Variants in CATSPERT observed in about 807,000 individuals in gnomAD.
The protein encoded by CATSPERT is cation channel sperm-associated targeting subunit tau.
At chr2:201,562,533 T>G in the CATSPERT span, among the ~76,000 whole-genome samples, 1 of 146,772 alleles carries the variant, frequency 6.8e-6, no homozygotes, top group Admixed American at 6.8e-5. Context: ...TTTATTTTTT[T>G]TATTGATCAT....
the CATSPERT span, among the ~76,000 whole-genome samples, chr2:201,590,998 T>C: frequency 6.8e-4 from 104 of 152,338 alleles, no homozygotes; most frequent in Middle Eastern, 3.4e-3. Context: ...TTAGATCCCA[T>C]TTGTCAATTT....
chr2:201,554,485 T>C, the CATSPERT span: 1 of 152,186 alleles, frequency 6.6e-6, no homozygotes, highest in African/African-American at 2.4e-5. Context: ...GCTTACTAAT[T>C]AGTTTCATCA....
the CATSPERT span, among the ~76,000 whole-genome samples, chr2:201,615,146 A>G: frequency 1.3e-5 from 2 of 152,198 alleles, no homozygotes; most frequent in Non-Finnish European, 2.9e-5. Flanking sequence ...AGACAGATCA[A>G]TGAGACAGAA....
chr2:201,530,900 T>C, the CATSPERT span, among the ~76,000 whole-genome samples: 1 of 151,924 alleles, frequency 6.6e-6, no homozygotes, highest in Non-Finnish European at 1.5e-5. Flanking sequence ...AGTTATAATG[T>C]ATTCCCAGAG....
At chr2:201,509,872 A>G in the CATSPERT span, among the ~76,000 whole-genome samples, 1 of 150,906 alleles carries the variant, frequency 6.6e-6, no homozygotes, top group Non-Finnish European at 1.5e-5. Context: ...CTCTCCTTCC[A>G]TTCCTTACTC....
At chr2:201,594,198 T>A in the CATSPERT span, among the ~76,000 whole-genome samples, 1 of 152,208 alleles carries the variant, frequency 6.6e-6, no homozygotes, top group Non-Finnish European at 1.5e-5. Flanking sequence ...TCTCAGCATT[T>A]GCTTGTCTGT....
chr2:201,493,841 T>C, the CATSPERT span: 2 of 1,536,136 alleles, frequency 1.3e-6, no homozygotes, highest in Non-Finnish European at 1.7e-6. Context: ...TTTTTTTTAA[T>C]TGGAAAATCT....
chr2:201,534,143 C>T, the CATSPERT span, among the ~76,000 whole-genome samples: 1 of 151,758 alleles, frequency 6.6e-6, no homozygotes. Context: ...ACACATTAAA[C>T]CAGATGTTCT....
At chr2:201,543,670 GAA>G in the CATSPERT span, among the ~76,000 whole-genome samples, 1 of 152,016 alleles carries the variant, frequency 6.6e-6, no homozygotes, top group South Asian at 2.1e-4. Context: ...TTAGTGTATA[GAA>G]ACAAAACTGA....
chr2:201,523,723 C>G, the CATSPERT span, among the ~76,000 whole-genome samples: 1 of 152,130 alleles, frequency 6.6e-6, no homozygotes, highest in African/African-American at 2.4e-5. Flanking sequence ...AAAGTTGAAA[C>G]CCAATTCAAG....
chr2:201,513,905 A>G, the CATSPERT span, among the ~76,000 whole-genome samples: 1 of 152,198 alleles, frequency 6.6e-6, no homozygotes, highest in Non-Finnish European at 1.5e-5. Context: ...CATTTCTAGA[A>G]AATCTTCAAA....
At chr2:201,612,153 G>C in the CATSPERT span, among the ~76,000 whole-genome samples, 1 of 152,118 alleles carries the variant, frequency 6.6e-6, no homozygotes, top group Non-Finnish European at 1.5e-5. Context: ...CTTTAAGTAA[G>C]GCAGGTAGTA....
At chr2:201,548,474 T>C in the CATSPERT span, among the ~76,000 whole-genome samples, 5 of 152,102 alleles carry the variant, frequency 3.3e-5, no homozygotes, top group Non-Finnish European at 7.4e-5. Context: ...GGGACTAGGA[T>C]TTTAACATAT....
the CATSPERT span, among the ~76,000 whole-genome samples, chr2:201,533,153 AC>A: frequency 6.6e-6 from 1 of 152,220 alleles, no homozygotes; most frequent in Admixed American, 6.5e-5. Flanking sequence ...AATTTGATAC[AC>A]AGGAAGCCCA....
chr2:201,616,814 G>A, the CATSPERT span, among the ~76,000 whole-genome samples: 95 of 152,232 alleles, frequency 6.2e-4, no homozygotes, highest in African/African-American at 2.2e-3. Context: ...AAACTCCATC[G>A]CCTCAGCCCA....
the CATSPERT span, chr2:201,534,795 C>G: frequency 4.4e-6 from 4 of 915,834 alleles, no homozygotes; most frequent in Non-Finnish European, 3.9e-6. Context: ...TAATTTCAAA[C>G]TTAATGTCCA....
At chr2:201,522,092 A>C in the CATSPERT span, among the ~76,000 whole-genome samples, 1 of 152,176 alleles carries the variant, frequency 6.6e-6, no homozygotes, top group African/African-American at 2.4e-5. Flanking sequence ...TCAACTAAGA[A>C]CTGGAACAAG....
the CATSPERT span, chr2:201,550,118 G>C: frequency 6.6e-6 from 1 of 152,202 alleles, no homozygotes; most frequent in Non-Finnish European, 1.5e-5. Flanking sequence ...TCCATAAGCT[G>C]TTCCATCATT....
the CATSPERT span, among the ~76,000 whole-genome samples, chr2:201,529,223 T>C: frequency 8.5e-5 from 13 of 152,256 alleles, no homozygotes; most frequent in East Asian, 1.7e-3. Context: ...TCCAATGTCA[T>C]TTTTCACAGA....
Sources: gnomAD v4.1 joint callset for allele counts (sites outside exome capture counted in the v4.1 genomes callset) on GRCh38, gnomAD v4.1.1 for gene constraint, MANE v1.5 for transcripts, NCBI Gene and HGNC (gene_info 2026-07-23, HGNC 2026-07-21) for gene names.